TEAD3: variants seen among roughly 807,000 people sequenced by gnomAD.
The protein encoded by TEAD3 is TEA domain transcription factor 3.
Under a neutral mutation model 55.6 loss-of-function variants are expected in TEAD3, and 15 were observed. The ratio of observed to expected loss-of-function variants is 0.27; its 90% CI spans 0.18 to 0.42. The LOEUF (loss-of-function observed/expected upper bound fraction) is 0.42. TEAD3 is among the 10% of genes least tolerant of loss of function. The probability of loss-of-function intolerance (pLI) is 1.00; values close to 1 mark genes in which losing one functional copy is unlikely to be tolerated. For missense variants in TEAD3, 407 were observed against 576.8 expected, an observed-to-expected ratio of 0.71 and a Z score of 3.01; for synonymous variants, 210 against 232.2, an observed-to-expected ratio of 0.90 and a Z score of 0.87.
chr6:35,485,719 C>CG lies in TEAD3; in HGVS notation c.202+741_202+742insC, dbSNP rs1415812484. On this transcript the variant is annotated intron_variant, in intron 2 of 12. Transcript: ENST00000639578. The surrounding 1 kb of genome is among the most constrained non-coding windows in gnomAD (Gnocchi z 4.3). ...CTGCCCCCAAGGTGGGGCTCTGGGGCTGGGTGGGCGTGGCCAAGGGACACG... is the reference window on the plus strand; with the variant it reads ...CTGCCCCCAAGGTGGGGCTCTGGGGCGTGGGTGGGCGTGGCCAAGGGACACG... 6.6e-6 allele frequency among the ~76,000 whole-genome samples: 1 copy of CG among 152,198 alleles called. No individual in the cohort carries two copies. The highest frequency in any genetic ancestry group is 2.4e-5 in the African/African-American group (1 of 41,460).
intron 4 of TEAD3, among the ~76,000 whole-genome samples, chr6:35,479,614 G>A (rs75162513): frequency 0.087 from 13,261 of 152,272 alleles, 1,249 homozygotes; most frequent in African/African-American, 0.23. Context: ...CTGCTGCACC[G>A]CTGTGGGCAG....
intron 7 of TEAD3, 97 bp from the exon 8 acceptor site, chr6:35,477,469 G>A (rs1359308658): frequency 2.5e-6 from 3 of 1,193,346 alleles, no homozygotes; most frequent in Non-Finnish European, 3.6e-6. Context: ...AAGCCACCCA[G>A]CCTTTCTGCT....
Position 35,488,387 on chromosome 6 carries a change from C to T in TEAD3, c.-49-1676G>A, listed in dbSNP as rs1030820175. 9.2e-5 allele frequency among the ~76,000 whole-genome samples: 14 copies of T among 152,244 alleles called. No individual in the cohort carries two copies. In the East Asian group the frequency reaches 2.7e-3, roughly 29 times the overall value. ...CCAGGCCCCCTATCACTCACAACCC[C>T]AAGACTCACCCCAAATCCCCTTCAG... is the stretch of plus-strand genomic sequence containing the variant. On this transcript the variant is annotated intron_variant, in intron 1 of 12. Coordinates refer to ENST00000639578, the Ensembl canonical transcript of TEAD3. The surrounding 1 kb of genome is among the most constrained non-coding windows in gnomAD (Gnocchi z 4.2).
chr6:35,482,362 C>T (rs57488933), intron 3 of TEAD3, among the ~76,000 whole-genome samples: 35 of 152,154 alleles, frequency 2.3e-4, no homozygotes, highest in African/African-American at 6.8e-4. Flanking sequence ...GAGGACAGAT[C>T]CCCTTTCACT....
At chr6:35,494,518 TC>T (rs35987946) in intron 1 of TEAD3, among the ~76,000 whole-genome samples, 2 of 152,024 alleles carry the variant, frequency 1.3e-5, no homozygotes, top group Non-Finnish European at 2.9e-5. Context: ...CCTGCTGACC[TC>T]CCCAGCTCTA....
At chr6:35,487,182 G>A (rs1253985183) in intron 1 of TEAD3, among the ~76,000 whole-genome samples, 1 of 152,212 alleles carries the variant, frequency 6.6e-6, no homozygotes, top group East Asian at 1.9e-4. Flanking sequence ...CACTTTGGGA[G>A]GCCGAGGTGG....
rs1249243602 is a variant in TEAD3, at chr6:35,496,555, G to C, written c.-50+343C>G. On this transcript the variant is annotated intron_variant, in intron 1 of 12. Coordinates refer to ENST00000639578, the Ensembl canonical transcript of TEAD3. The surrounding 1 kb of genome is among the most constrained non-coding windows in gnomAD (Gnocchi z 4.8). The stretch of plus-strand genomic sequence containing the variant: ...ATATGAGCTCCAGGGTGGCAGGCAG[G>C]CCCTCCACACTGTGCGGCCCCCGGA... Among the ~76,000 whole-genome samples, 2 of 152,032 alleles carry C rather than the reference G, an allele frequency of 1.3e-5. No individual in the cohort carries two copies. Among genetic ancestry groups the C allele is most frequent in the South Asian group, 2.1e-4 (1 of 4,826 alleles).
At chr6:35,492,054 C>G (rs1426430901) in intron 1 of TEAD3, among the ~76,000 whole-genome samples, 1 of 152,210 alleles carries the variant, frequency 6.6e-6, no homozygotes, top group Non-Finnish European at 1.5e-5. Flanking sequence ...CTTACCCCTT[C>G]CCCTGCACCA....
At chr6:35,477,437 C>T in intron 7 of TEAD3, 65 bp from the exon 8 acceptor site, 2 of 1,512,568 alleles carry the variant, frequency 1.3e-6, no homozygotes, top group Non-Finnish European at 8.9e-7. Context: ...TGGCCCAGCC[C>T]CTCTTCCAAG....
chr6:35,475,644 G>C lies in TEAD3; in HGVS notation c.963C>G (p.Tyr321Ter). Residue 321 changes from tyrosine to a stop codon, truncating the protein, a stop_gained, in exon 11 of 13, where the codon TAC becomes TAG. Coordinates refer to ENST00000639578, the Ensembl canonical transcript of TEAD3. LOFTEE classifies it high-confidence loss of function. This position sits in a 1 kb window ranked among gnomAD's most constrained non-coding sequence, Gnocchi z 5.4. ...TGATGGTCATGCTATCAGCAGAGCT[G>C]TACTGAGAGCTGACCCCATAGAAGG... 6.2e-7 allele frequency: 1 copy of C among 1,613,662 alleles called. No individual in the cohort carries two copies. Among genetic ancestry groups the C allele is most frequent in the Non-Finnish European group, 8.5e-7 (1 of 1,179,652 alleles).
intron 7 of TEAD3, among the ~76,000 whole-genome samples, chr6:35,477,839 T>A (rs370578385): frequency 8.1e-5 from 12 of 148,342 alleles, no homozygotes; most frequent in African/African-American, 3.0e-4. Context: ...ACTCTCCAGC[T>A]TTTTTTTTTC....
chr6:35,475,160 G>A lies in TEAD3; in HGVS notation c.1195-3C>T, dbSNP rs201810762. 2.7e-5 allele frequency: 43 copies of A among 1,575,370 alleles called. No individual in the cohort carries two copies. Among genetic ancestry groups the A allele is most frequent in the Non-Finnish European group, 3.4e-5 (40 of 1,160,070 alleles). On this transcript the variant is annotated splice_region_variant and splice_polypyrimidine_tract_variant and intron_variant, in intron 12 of 12. Coordinates refer to ENST00000639578, the Ensembl canonical transcript of TEAD3. This position sits in a 1 kb window ranked among gnomAD's most constrained non-coding sequence, Gnocchi z 5.4. ...TGGGAGTCCCGGCTCGTGACCACCT[G>A]GGGGGTGAGCAGGTAAGAGATTCAG... is the stretch of plus-strand genomic sequence containing the variant.
At chr6:35,489,354 G>A (rs545379289) in intron 1 of TEAD3, among the ~76,000 whole-genome samples, 3 of 152,278 alleles carry the variant, frequency 2.0e-5, no homozygotes, top group African/African-American at 7.2e-5. Flanking sequence ...CTGAACCCAG[G>A]TAAGCTGGCT....
intron 1 of TEAD3, among the ~76,000 whole-genome samples, chr6:35,490,300 G>C (rs901540382): frequency 2.6e-5 from 4 of 152,196 alleles, no homozygotes; most frequent in Non-Finnish European, 4.4e-5. Flanking sequence ...TGGGGGGGCG[G>C]GGCAGGCGGC....
In TEAD3 at chr6:35,488,935, T is replaced by A. The variant is rs1228390410; in HGVS notation, c.-49-2224A>T. On this transcript the variant is annotated intron_variant, in intron 1 of 12. Coordinates refer to ENST00000639578, the Ensembl canonical transcript of TEAD3. This position sits in a 1 kb window ranked among gnomAD's most constrained non-coding sequence, Gnocchi z 4.2. ...ACCATGCCCAGATAATTTTTTGTAT[T>A]TTTAGTAAAGACGGGGTTTCACCAT... Among the ~76,000 whole-genome samples, 1 of 152,134 alleles carries A rather than the reference T, an allele frequency of 6.6e-6. No homozygotes were observed. The highest frequency in any genetic ancestry group is 1.5e-5 in the Non-Finnish European group (1 of 68,018).
chr6:35,475,258 A>C lies in TEAD3; in HGVS notation c.1194+78T>G, dbSNP rs1421028221. ...TCTCCTTTCCGGATCTATGCCTCTCAGCCAAGCGATGTGTCTGGCTACCCA... is the reference window on the plus strand; with the variant it reads ...TCTCCTTTCCGGATCTATGCCTCTCCGCCAAGCGATGTGTCTGGCTACCCA... On this transcript the variant is annotated intron_variant, in intron 12 of 12. Coordinates refer to ENST00000639578, the Ensembl canonical transcript of TEAD3. The surrounding 1 kb of genome is among the most constrained non-coding windows in gnomAD (Gnocchi z 5.4). 1.9e-6 allele frequency: 3 copies of C among 1,603,854 alleles called. No homozygotes were observed. In the African/African-American group the frequency reaches 4.0e-5, roughly 21 times the overall value.
chr6:35,486,453 G>C lies in TEAD3; in HGVS notation c.202+8C>G. ...GCCGCAGTCCCGCCCGCGCCCCCCG[G>C]CACGCACCGTACATCTTGCCCTCGT... On this transcript the variant is annotated splice_region_variant and intron_variant, in intron 2 of 12. Transcript: ENST00000639578. This position sits in a 1 kb window ranked among gnomAD's most constrained non-coding sequence, Gnocchi z 7.3. 6.2e-7 allele frequency: 1 copy of C among 1,609,882 alleles called. No individual in the cohort carries two copies. The highest frequency in any genetic ancestry group is 8.5e-7 in the Non-Finnish European group (1 of 1,177,512).
At chr6:35,476,034 G>T (rs1198740517) in exon 10 of TEAD3, 1 of 1,556,860 alleles carries the variant, frequency 6.4e-7, no homozygotes, top group Non-Finnish European at 8.7e-7. Context: ...TGCCTCCAGG[G>T]GTGGGTCTGA....
Position 35,475,697 on chromosome 6 carries a change from T to A in TEAD3, c.910A>T (p.Asn304Tyr). ...CCCGGGCCCTCCTGGATGGTGCTGT[T>A]GAGGTCGGCCTGGGCATGGGGGTGG... Residue 304 changes from asparagine to tyrosine, a missense_variant, in exon 11 of 13, where the codon AAC (asparagine) becomes TAC (tyrosine). Coordinates refer to ENST00000639578, the Ensembl canonical transcript of TEAD3. The surrounding 1 kb of genome is among the most constrained non-coding windows in gnomAD (Gnocchi z 5.4). The A allele has an allele frequency of 6.3e-7, 1 of 1,598,242 alleles. No individual in the cohort carries two copies.
Sources: allele counts gnomAD v4.1 joint callset (sites outside exome capture counted in the v4.1 genomes callset), GRCh38; gene constraint gnomAD v4.1.1; non-coding constraint Gnocchi (gnomAD v3.1); transcripts MANE v1.5; gene names NCBI Gene and HGNC (gene_info 2026-07-23, HGNC 2026-07-21).